The following LOC128125817 variants were observed in gnomAD, a reference collection of about 807,000 sequenced individuals.
the LOC128125817 span, among the ~76,000 whole-genome samples, chr1:41,627,940 C>T: frequency 3.3e-5 from 5 of 152,068 alleles, no homozygotes; most frequent in Middle Eastern, 3.4e-3. Context: ...TTTCTAATCC[C>T]CAGCTCTCTG....
At chr1:41,585,983 T>A in the LOC128125817 span, among the ~76,000 whole-genome samples, 1 of 152,204 alleles carries the variant, frequency 6.6e-6, no homozygotes, top group Non-Finnish European at 1.5e-5. Context: ...CCCCAGCCCA[T>A]GTTTGAAGAC....
At chr1:41,609,449 CTG>C in the LOC128125817 span, among the ~76,000 whole-genome samples, 1 of 152,248 alleles carries the variant, frequency 6.6e-6, no homozygotes, top group African/African-American at 2.4e-5. Context: ...ACCTGGCAGG[CTG>C]TGTTTGCCTT....
At chr1:41,624,264 T>A in the LOC128125817 span, among the ~76,000 whole-genome samples, 1 of 152,194 alleles carries the variant, frequency 6.6e-6, no homozygotes, top group Non-Finnish European at 1.5e-5. Flanking sequence ...GAAGGGGTAG[T>A]CTCCAAATTG....
the LOC128125817 span, among the ~76,000 whole-genome samples, chr1:41,596,839 T>A: frequency 6.6e-6 from 1 of 152,184 alleles, no homozygotes; most frequent in Admixed American, 6.5e-5. Flanking sequence ...CTACCTTCCT[T>A]CCCTGTATCT....
At chr1:41,585,316 C>A in the LOC128125817 span, 1 of 398,936 alleles carries the variant, frequency 2.5e-6, no homozygotes, top group African/African-American at 2.1e-5. Context: ...TCACGCTCTT[C>A]TTCTGTGTGA....
the LOC128125817 span, among the ~76,000 whole-genome samples, chr1:41,606,055 C>A: frequency 1.3e-5 from 2 of 151,978 alleles, no homozygotes; most frequent in Non-Finnish European, 2.9e-5. Flanking sequence ...TCTCTAAAAT[C>A]TGATGTCTTC....
the LOC128125817 span, among the ~76,000 whole-genome samples, chr1:41,610,900 C>T: frequency 9.2e-5 from 14 of 152,140 alleles, no homozygotes; most frequent in Admixed American, 2.6e-4. Context: ...TGCCCTGAGA[C>T]CCCCCAAGCT....
At chr1:41,594,255 C>A in the LOC128125817 span, among the ~76,000 whole-genome samples, 1 of 152,154 alleles carries the variant, frequency 6.6e-6, no homozygotes, top group African/African-American at 2.4e-5. Context: ...TGGAGTCTCG[C>A]TCTGTTGCCC....
the LOC128125817 span, among the ~76,000 whole-genome samples, chr1:41,598,543 T>G: frequency 6.6e-6 from 1 of 152,232 alleles, no homozygotes; most frequent in Non-Finnish European, 1.5e-5. Flanking sequence ...CATGGCAGGA[T>G]AGATATAACT....
the LOC128125817 span, among the ~76,000 whole-genome samples, chr1:41,612,309 A>C: frequency 1.3e-5 from 2 of 152,148 alleles, no homozygotes; most frequent in East Asian, 1.9e-4. Flanking sequence ...TTTCAGATGG[A>C]TCATAATCCC....
the LOC128125817 span, among the ~76,000 whole-genome samples, chr1:41,598,427 T>A: frequency 6.6e-6 from 1 of 152,138 alleles, no homozygotes; most frequent in Admixed American, 6.5e-5. Context: ...ACACACACTA[T>A]AAGATGAACC....
At chr1:41,626,665 C>T in the LOC128125817 span, among the ~76,000 whole-genome samples, 1 of 152,178 alleles carries the variant, frequency 6.6e-6, no homozygotes, top group South Asian at 2.1e-4. Context: ...TGTCCTGAGA[C>T]TGCTCATGAG....
chr1:41,620,093 G>A, the LOC128125817 span, among the ~76,000 whole-genome samples: 4 of 152,160 alleles, frequency 2.6e-5, no homozygotes, highest in Non-Finnish European at 4.4e-5. Flanking sequence ...TGCTAAGGCA[G>A]ACACAGGAGA....
the LOC128125817 span, chr1:41,628,737 C>T: frequency 1.6e-5 from 20 of 1,231,546 alleles, no homozygotes; most frequent in South Asian, 7.0e-4. Context: ...AGCAACAGCC[C>T]CCATTTCCTA....
At chr1:41,587,757 A>G in the LOC128125817 span, among the ~76,000 whole-genome samples, 1 of 152,156 alleles carries the variant, frequency 6.6e-6, no homozygotes, top group Admixed American at 6.5e-5. Flanking sequence ...TCACACGGGA[A>G]TGGTGGCAGG....
the LOC128125817 span, among the ~76,000 whole-genome samples, chr1:41,616,972 G>A: frequency 6.6e-6 from 1 of 152,152 alleles, no homozygotes; most frequent in East Asian, 1.9e-4. Flanking sequence ...AGAGGAGTGT[G>A]AATGGCCAGA....
the LOC128125817 span, among the ~76,000 whole-genome samples, chr1:41,610,735 C>T: frequency 1.1e-4 from 17 of 152,150 alleles, no homozygotes; most frequent in Admixed American, 2.6e-4. Context: ...TACTGAATTC[C>T]GAGCGCAATT....
chr1:41,612,080 C>A, the LOC128125817 span, among the ~76,000 whole-genome samples: 2 of 150,804 alleles, frequency 1.3e-5, no homozygotes, highest in African/African-American at 4.9e-5. Context: ...TCCCCACCTT[C>A]CTCCTCCCAC....
chr1:41,607,908 A>G, the LOC128125817 span, among the ~76,000 whole-genome samples: 2 of 152,088 alleles, frequency 1.3e-5, no homozygotes, highest in Admixed American at 1.3e-4. Context: ...ATCTCCCACC[A>G]TCACATCCAC....
Sources: gnomAD v4.1 joint callset for allele counts (sites outside exome capture counted in the v4.1 genomes callset) on GRCh38, gnomAD v4.1.1 for gene constraint, MANE v1.5 for transcripts.